Variants in SMC6 observed in about 807,000 individuals in gnomAD.
SMC6 encodes structural maintenance of chromosomes protein 6.
Under a neutral mutation model 142.2 loss-of-function variants are expected in SMC6, and 79 were observed. That is an observed-to-expected ratio of 0.56 (90% CI 0.46 to 0.67). The LOEUF (loss-of-function observed/expected upper bound fraction) is 0.67. Among genes scored for constraint, SMC6 ranks in the 30% least tolerant of loss-of-function variants. The pLI, the probability that SMC6 is intolerant of heterozygous loss-of-function variation, is 0.00. For synonymous variants in SMC6, 411 were observed against 412.4 expected (o/e 1.00, Z 0.04); for missense variants, 1,072 against 1,284.0 (o/e 0.83, Z 2.52).
intron 23 of SMC6, among the ~76,000 whole-genome samples, chr2:17,685,938 C>A (rs1667436479): frequency 6.6e-6 from 1 of 151,042 alleles, no homozygotes; most frequent in Non-Finnish European, 1.5e-5. Flanking sequence ...GGAAAAACAC[C>A]ATAGAAAAAT....
At chr2:17,741,797 T>C in intron 3 of SMC6, 68 bp from the exon 4 acceptor site, 4 of 1,050,256 alleles carry the variant, frequency 3.8e-6, no homozygotes, top group Non-Finnish European at 5.6e-6. Context: ...TCAAGCATTG[T>C]TGGCATCAGA....
intron 23 of SMC6, among the ~76,000 whole-genome samples, chr2:17,690,867 A>G (rs1025335454): frequency 6.6e-6 from 1 of 152,046 alleles, no homozygotes; most frequent in Non-Finnish European, 1.5e-5. Context: ...AGGCTGTAGG[A>G]AAACAGGCAC....
rs1377483093 is a variant in SMC6 at position 17,670,453 on chromosome 2, G to A, written c.3033C>T (p.Phe1011=). 22 of 1,613,530 alleles carry A rather than the reference G, an allele frequency of 1.4e-5. No homozygotes were observed. The highest frequency in any genetic ancestry group is 1.9e-5 in the Non-Finnish European group (22 of 1,179,830). Residue 1011 remains phenylalanine, a synonymous_variant, in exon 26 of 28, where the codon TTC becomes TTT. Transcript: ENST00000448223. ...LSLWSIAESP[F]RCLDEFDVYM... ...AGACATCAAATTCATCCAGGCATCTGAAAGGAGATTCTGCGATGGACCACA... is the reference window on the plus strand; with the variant it reads ...AGACATCAAATTCATCCAGGCATCTAAAAGGAGATTCTGCGATGGACCACA...
chr2:17,735,724 A>G (rs1670120173), intron 5 of SMC6, among the ~76,000 whole-genome samples: 1 of 152,242 alleles, frequency 6.6e-6, no homozygotes, highest in African/African-American at 2.4e-5. Context: ...AGGAGGATTC[A>G]TTCAGTCCCT....
intron 18 of SMC6, among the ~76,000 whole-genome samples, chr2:17,704,481 C>T (rs1284784289): frequency 6.6e-6 from 1 of 152,170 alleles, no homozygotes; most frequent in East Asian, 1.9e-4. Flanking sequence ...CTGATCTTTT[C>T]CTCACTAATC....
chr2:17,737,973 G>C (rs1463501731), intron 5 of SMC6, among the ~76,000 whole-genome samples: 1 of 152,154 alleles, frequency 6.6e-6, no homozygotes, highest in Non-Finnish European at 1.5e-5. Context: ...CTTTCAGCAA[G>C]TAACAGAAGC....
intron 24 of SMC6, chr2:17,681,554 T>C (rs1667238605): frequency 6.6e-6 from 1 of 152,190 alleles, no homozygotes; most frequent in African/African-American, 2.4e-5. Flanking sequence ...ACTGTAAGGC[T>C]ATTAACTAGC....
chr2:17,745,889 G>A lies in SMC6; in HGVS notation c.58C>T (p.Gln20Ter), dbSNP rs1208733165. Reference sequence around the variant, plus strand: ...TTATCAAAATCCTCCAATTCTTCTTGTCTTGGCCTTTTGGCATTTTTAGGA... The same window carrying A: ...TTATCAAAATCCTCCAATTCTTCTTATCTTGGCCTTTTGGCATTTTTAGGA... ...SSPKNAKRPRQEELEDFDKDG... is the reference protein window; with the variant it reads ...SSPKNAKRPR The change falls in exon 3 of 28, where the codon CAA (glutamine) becomes TAA (stop). Residue 20 changes from glutamine (Q) to a stop codon, truncating the protein, a stop_gained. Transcript: ENST00000448223. LOFTEE classifies it high-confidence loss of function. 2 of 1,612,504 alleles carry A rather than the reference G, an allele frequency of 1.2e-6. No individual in the cohort carries two copies. Among genetic ancestry groups the A allele is most frequent in the Non-Finnish European group, 1.7e-6 (2 of 1,179,386 alleles).
At position 17,740,641 on chromosome 2, in the gene SMC6, G is replaced by T. The variant is rs973991087; in HGVS notation, c.238+971C>A. The T allele has an allele frequency of 1.0e-5, 4 of 384,888 alleles. No individual in the cohort carries two copies. In the Admixed American group the frequency reaches 1.2e-4, roughly 12 times the overall value. 23.8% of individuals were successfully genotyped at this position (384,888 alleles called of 1,614,324 possible). A position where few individuals can be genotyped will look rare whatever the true frequency, so the allele number is the denominator to read the frequency against. ...AAGCCGAGGTGGGCGGATCACTTGA[G>T]CTCAGGAGTTTGAGATCAGCCTGGC... On this transcript the variant is annotated intron_variant, in intron 4 of 27. Coordinates refer to ENST00000448223, the MANE Select transcript of SMC6 (RefSeq NM_001142286.2).
At chr2:17,705,244 T>C (rs886921996) in intron 18 of SMC6, among the ~76,000 whole-genome samples, 3 of 151,504 alleles carry the variant, frequency 2.0e-5, no homozygotes, top group African/African-American at 4.9e-5. Flanking sequence ...ATCGACAGAG[T>C]GAGACCCTGT....
chr2:17,739,863 CACAGAGAATATGGTAA>C (rs1202501158), intron 4 of SMC6, among the ~76,000 whole-genome samples: 5 of 139,062 alleles, frequency 3.6e-5, no homozygotes, highest in Admixed American at 7.6e-5. Flanking sequence ...CACACACACA[CACAGAGAATATGGTAA>C]ACACACACAC....
chr2:17,696,213 G>T, intron 22 of SMC6, 76 bp downstream of exon 22: 4 of 1,501,522 alleles, frequency 2.7e-6, no homozygotes, highest in Non-Finnish European at 3.6e-6. Context: ...TTAGAAACAT[G>T]ACATTAGGGA....
chr2:17,739,165 T>C (rs1405585103), intron 4 of SMC6, among the ~76,000 whole-genome samples: 2 of 152,224 alleles, frequency 1.3e-5, no homozygotes, highest in Admixed American at 6.5e-5. Flanking sequence ...TTATTCATTT[T>C]CTAGCTCTTT....
chr2:17,716,315 A>C (rs1355625551), intron 14 of SMC6, 51 bp from the exon 15 acceptor site: 1 of 1,558,076 alleles, frequency 6.4e-7, no homozygotes, highest in South Asian at 1.2e-5. Flanking sequence ...GTTTTACAGA[A>C]ACATTTAACC....
intron 7 of SMC6, among the ~76,000 whole-genome samples, chr2:17,726,910 C>T (rs1227447841): frequency 1.3e-5 from 2 of 152,130 alleles, no homozygotes; most frequent in Non-Finnish European, 2.9e-5. Flanking sequence ...CCTATGTAGC[C>T]TTGGATAAGT....
At chr2:17,726,574 G>T in intron 7 of SMC6, 105 bp from the exon 8 acceptor site, 2 of 803,892 alleles carry the variant, frequency 2.5e-6, no homozygotes, top group Non-Finnish European at 4.0e-6. Flanking sequence ...CATCAGGAAG[G>T]CCAAGCAATA....
At position 17,666,526 on chromosome 2, in the gene SMC6, C is replaced by T. The variant is rs1553307044; in HGVS notation, c.3064-9G>A. Reference sequence around the variant, plus strand: ...CTCCTATTAACCATATCCTGAAAAACAAAGGCAAAAGTTAGGATTGCTATT... The same window carrying T: ...CTCCTATTAACCATATCCTGAAAAATAAAGGCAAAAGTTAGGATTGCTATT... On this transcript the variant is annotated splice_polypyrimidine_tract_variant and intron_variant, in intron 26 of 27. Coordinates refer to ENST00000448223, the MANE Select transcript of SMC6 (RefSeq NM_001142286.2). The T allele has an allele frequency of 1.2e-6, 2 of 1,606,900 alleles. No individual in the cohort carries two copies. The highest frequency in any genetic ancestry group is 1.7e-6 in the Non-Finnish European group (2 of 1,173,986).
chr2:17,684,286 G>T (rs1162510752), intron 23 of SMC6, among the ~76,000 whole-genome samples: 9 of 152,156 alleles, frequency 5.9e-5, no homozygotes, highest in African/African-American at 7.2e-5. Context: ...AACTGAATTA[G>T]CATGAAAGGC....
chr2:17,740,424 C>T (rs144961438), intron 4 of SMC6, among the ~76,000 whole-genome samples: 373 of 152,340 alleles, frequency 2.4e-3, no homozygotes, highest in African/African-American at 7.5e-3. Context: ...CAGCAGCCAA[C>T]ACCTCATTCT....
Sources: gnomAD v4.1 joint callset for allele counts (sites outside exome capture counted in the v4.1 genomes callset) on GRCh38, gnomAD v4.1.1 for gene constraint, MANE v1.5 for transcripts, NCBI Gene and HGNC (gene_info 2026-07-23, HGNC 2026-07-21) for gene names.